Variants in OXR1 observed in about 807,000 individuals in gnomAD.
OXR1 encodes oxidation resistance protein 1.
Under a neutral mutation model 104.6 loss-of-function variants are expected in OXR1, and 41 were observed. The ratio of observed to expected loss-of-function variants is 0.39; its 90% CI spans 0.31 to 0.51. The LOEUF is 0.51. OXR1 is among the 20% of genes least tolerant of loss of function. OXR1 has a pLI of 0.77. For synonymous variants in OXR1, 348 were observed against 348.4 expected, an observed-to-expected ratio of 1.00 and a Z score of 0.01; for missense variants, 955 against 1,031.9, an observed-to-expected ratio of 0.93 and a Z score of 1.02.
Position 106,581,063 on chromosome 8 carries a change from T to A in OXR1, c.220+61924T>A, listed in dbSNP as rs561204695. On this transcript the variant is annotated intron_variant, in intron 3 of 16. Coordinates refer to ENST00000517566, the MANE Select transcript of OXR1 (RefSeq NM_001198533.2). ...AAGTGGGAAGGTGTAGACTTCTCAC[T>A]TCAATAGTCTGCTAAAGATGGAGGA... is the stretch of plus-strand genomic sequence containing the variant. 7 of 1,183,636 alleles carry A rather than the reference T, an allele frequency of 5.9e-6. No individual in the cohort carries two copies. The East Asian group carries it at 4.2e-4, about 71-fold the overall frequency. 73.3% of individuals were successfully genotyped at this position (1,183,636 alleles called of 1,614,324 possible). A position where few individuals can be genotyped will look rare whatever the true frequency, so the allele number is the denominator to read the frequency against.
At chr8:106,367,176 C>T (rs917205597) in intron 2 of OXR1, among the ~76,000 whole-genome samples, 2 of 151,648 alleles carry the variant, frequency 1.3e-5, no homozygotes, top group South Asian at 2.1e-4. Context: ...ATTCTCCTGC[C>T]TCAGCCTCCC....
At chr8:106,275,302 A>C (rs1043250787) in intron 1 of OXR1, among the ~76,000 whole-genome samples, 5 of 152,236 alleles carry the variant, frequency 3.3e-5, no homozygotes, top group Admixed American at 2.6e-4. Flanking sequence ...TTTGTTTGAC[A>C]TCTGAGCAAG....
intron 1 of OXR1, among the ~76,000 whole-genome samples, chr8:106,340,237 C>T (rs1815187581): frequency 6.7e-6 from 1 of 149,044 alleles, no homozygotes; most frequent in Non-Finnish European, 1.5e-5. Flanking sequence ...AAAAAAAAAC[C>T]TTCTGACTTG....
chr8:106,583,298 C>G (rs1818387699), intron 3 of OXR1, among the ~76,000 whole-genome samples: 1 of 152,108 alleles, frequency 6.6e-6, no homozygotes, highest in Non-Finnish European at 1.5e-5. Context: ...AGCTAAATTA[C>G]AAATTTATAT....
At position 106,546,182 on chromosome 8, in the gene OXR1, C is replaced by T. The variant is rs558231818; in HGVS notation, c.220+27043C>T. Among the ~76,000 whole-genome samples, 13 of 152,222 alleles carry T rather than the reference C, an allele frequency of 8.5e-5. 1 individual carries two copies. The South Asian group carries it at 2.3e-3, about 27-fold the overall frequency. ...AGGCTACAGGACATTCACCCCAAGG[C>T]GTAGCTGAGTCATTTCGTGCTTTAC... On this transcript the variant is annotated intron_variant, in intron 3 of 16. Transcript: ENST00000517566.
At position 106,518,635 on chromosome 8, in the gene OXR1, A is replaced by C. The variant is rs1305523501; in HGVS notation, c.24-308A>C. Among the ~76,000 whole-genome samples, 2 of 152,218 alleles carry C rather than the reference A, an allele frequency of 1.3e-5. 1 individual carries two copies. Among genetic ancestry groups the C allele is most frequent in the Non-Finnish European group, 2.9e-5 (2 of 68,038 alleles). ...TAAAAAATTCCTTTCAGAACTAAAT[A>C]CTATAGTCAAATACATTATCTTTGA... is the stretch of plus-strand genomic sequence containing the variant. On this transcript the variant is annotated intron_variant, in intron 2 of 16. Coordinates refer to ENST00000517566, the MANE Select transcript of OXR1 (RefSeq NM_001198533.2).
chr8:106,657,885 CT>C (rs28921373), intron 3 of OXR1: 120,897 of 1,244,974 alleles, frequency 0.097, 6,443 homozygotes, highest in Non-Finnish European at 0.11. Flanking sequence ...GCCGCCTCCC[CT>C]GGGTCAGGTC....
intron 2 of OXR1, among the ~76,000 whole-genome samples, chr8:106,382,934 C>T (rs11998513): frequency 0.067 from 10,237 of 151,666 alleles, 1,080 homozygotes; most frequent in African/African-American, 0.23. Flanking sequence ...AAGTGTTGGC[C>T]CTTAGCTACT....
chr8:106,626,008 T>C (rs1822120174), intron 3 of OXR1, among the ~76,000 whole-genome samples: 1 of 151,258 alleles, frequency 6.6e-6, no homozygotes. Flanking sequence ...AAAAATATTT[T>C]CTATCAAGAA....
intron 3 of OXR1, among the ~76,000 whole-genome samples, chr8:106,584,168 A>C (rs1215062592): frequency 1.3e-5 from 2 of 152,170 alleles, no homozygotes; most frequent in South Asian, 4.1e-4. Context: ...TAAATGAAAA[A>C]CCCAGTAAAA....
intron 2 of OXR1, among the ~76,000 whole-genome samples, chr8:106,360,994 T>C (rs1359179739): frequency 6.6e-6 from 1 of 152,138 alleles, no homozygotes; most frequent in East Asian, 1.9e-4. Flanking sequence ...GTTCACAGGG[T>C]CAGGGCAGGA....
At chr8:106,279,274 A>C (rs939372660) in intron 1 of OXR1, among the ~76,000 whole-genome samples, 2 of 152,210 alleles carry the variant, frequency 1.3e-5, no homozygotes, top group African/African-American at 4.8e-5. Flanking sequence ...ACTAAGAAGA[A>C]AAAATTACCA....
intron 2 of OXR1, among the ~76,000 whole-genome samples, chr8:106,467,756 A>G (rs546384533): frequency 6.6e-6 from 1 of 152,024 alleles, no homozygotes; most frequent in African/African-American, 2.4e-5. Context: ...CAAGACATCC[A>G]TGGAGGATAT....
intron 1 of OXR1, among the ~76,000 whole-genome samples, chr8:106,354,759 C>T (rs1815890114): frequency 6.6e-6 from 1 of 152,068 alleles, no homozygotes; most frequent in Non-Finnish European, 1.5e-5. Context: ...AATGATACAG[C>T]AGCATCTAGG....
At chr8:106,725,738 T>TA (rs1321288934) in intron 11 of OXR1, among the ~76,000 whole-genome samples, 3 of 152,182 alleles carry the variant, frequency 2.0e-5, no homozygotes, top group Non-Finnish European at 2.9e-5. Context: ...TCTTATTGCT[T>TA]AAAAAATGTT....
intron 3 of OXR1, among the ~76,000 whole-genome samples, chr8:106,521,496 C>G (rs1016240362): frequency 1.5e-5 from 2 of 130,968 alleles, no homozygotes; most frequent in African/African-American, 6.0e-5. Context: ...GTTGCCATCC[C>G]TGCGCTATAA....
intron 2 of OXR1, among the ~76,000 whole-genome samples, chr8:106,421,435 C>T (rs770336472): frequency 1.3e-5 from 2 of 152,074 alleles, no homozygotes; most frequent in African/African-American, 2.4e-5. Flanking sequence ...AGGTTGGCTG[C>T]CGGTTTTCTG....
chr8:106,477,435 TATG>T (rs1339983411), intron 2 of OXR1, among the ~76,000 whole-genome samples: 1 of 151,998 alleles, frequency 6.6e-6, no homozygotes, highest in Non-Finnish European at 1.5e-5. Flanking sequence ...TTTATGCAGT[TATG>T]ATTGAATACT....
intron 2 of OXR1, among the ~76,000 whole-genome samples, chr8:106,455,464 C>T (rs1430106019): frequency 1.3e-5 from 2 of 152,186 alleles, no homozygotes; most frequent in Non-Finnish European, 2.9e-5. Flanking sequence ...TTGATAAAAA[C>T]ATTAGCCAAG....
Sources: allele counts gnomAD v4.1 joint callset (sites outside exome capture counted in the v4.1 genomes callset), GRCh38; gene constraint gnomAD v4.1.1; transcripts MANE v1.5; gene names NCBI Gene and HGNC (gene_info 2026-07-23, HGNC 2026-07-21).